The following OR56A3 variants were observed in gnomAD, a reference collection of about 807,000 sequenced individuals.
OR56A3 encodes olfactory receptor 56A3.
In OR56A3, 23 loss-of-function variants were observed where a neutral mutation model predicts 17.5. The observed-to-expected ratio is 1.32, with a 90% CI of 0.95 to 1.87. The LOEUF is 1.87. Among genes scored for constraint, OR56A3 ranks in the 40% most tolerant of loss-of-function variants. The probability of loss-of-function intolerance (pLI) is 0.00; values close to 1 mark genes in which losing one functional copy is unlikely to be tolerated. For missense variants in OR56A3, 366 were observed against 380.1 expected, an observed-to-expected ratio of 0.96 and a Z score of 0.31; for synonymous variants, 175 against 150.6, an observed-to-expected ratio of 1.16 and a Z score of -1.19.
At chr11:5,986,587 C>G in the OR56A3 span, 1 of 1,613,960 alleles carries the variant, frequency 6.2e-7, no homozygotes, top group Non-Finnish European at 8.5e-7. Context: ...CTGGATCAGG[C>G]AGACGATGTA....
At chr11:5,957,135 A>C in the OR56A3 span, among the ~76,000 whole-genome samples, 20 of 151,444 alleles carry the variant, frequency 1.3e-4, no homozygotes, top group Non-Finnish European at 2.5e-4. Context: ...GGGTAACAAA[A>C]GTGAAACTGC....
chr11:6,003,005 G>A, the OR56A3 span: 2 of 1,614,136 alleles, frequency 1.2e-6, no homozygotes, highest in African/African-American at 2.7e-5. Flanking sequence ...AAAGTTTCCT[G>A]ATCAATCTGG....
the OR56A3 span, among the ~76,000 whole-genome samples, chr11:5,996,943 G>A: frequency 5.3e-5 from 8 of 152,302 alleles, no homozygotes; most frequent in East Asian, 1.2e-3. Context: ...GAGCAAGGCA[G>A]GATGAGATGG....
At chr11:6,011,128 T>C in the OR56A3 span, among the ~76,000 whole-genome samples, 12 of 151,914 alleles carry the variant, frequency 7.9e-5, no homozygotes, top group South Asian at 2.3e-3. Flanking sequence ...TTATTACATC[T>C]CTCATCACTT....
At chr11:6,002,632 T>C in the OR56A3 span, 12 of 1,614,130 alleles carry the variant, frequency 7.4e-6, no homozygotes, top group Admixed American at 1.2e-4. Context: ...TCATAGGCCA[T>C]GACCATGAAC....
At chr11:6,002,446 T>C in the OR56A3 span, 4 of 1,614,274 alleles carry the variant, frequency 2.5e-6, no homozygotes, top group Non-Finnish European at 3.4e-6. Flanking sequence ...GACAGGTTAC[T>C]GCAGATGCAG....
At chr11:5,991,691 T>C in the OR56A3 span, among the ~76,000 whole-genome samples, 26 of 152,304 alleles carry the variant, frequency 1.7e-4, no homozygotes, top group Admixed American at 1.0e-3. Flanking sequence ...CCCCCAACTG[T>C]AAACCCAGAA....
At chr11:5,963,942 T>C in the OR56A3 span, among the ~76,000 whole-genome samples, 1 of 152,158 alleles carries the variant, frequency 6.6e-6, no homozygotes, top group African/African-American at 2.4e-5. Context: ...AACCTACTTT[T>C]CAATAACCTT....
chr11:5,953,972 A>T (rs144471384), downstream of OR56A3, among the ~76,000 whole-genome samples: 17 of 152,180 alleles, frequency 1.1e-4, no homozygotes, highest in East Asian at 3.3e-3. Context: ...AGGGGAAAAA[A>T]GGTGAATTAA....
At chr11:5,954,864 C>A (rs1847924824), downstream of OR56A3, among the ~76,000 whole-genome samples, 1 of 152,048 alleles carries the variant, frequency 6.6e-6, no homozygotes, top group African/African-American at 2.4e-5. Context: ...TCCCAAGTTT[C>A]AAGAAAGACA....
In OR56A3 at chr11:5,947,428, C is replaced by T. The variant is rs1847876711; in HGVS notation, c.82C>T (p.Gln28Ter). ...LNCFVRSPSW[Q>*]HWLSLPLSLL... ...TTGTTTTGTCAGATCCCCCAGCTGG[C>T]AGCACTGGCTGTCCCTGCCCCTCAG... Residue 28 changes from glutamine to a stop codon, truncating the protein, a stop_gained, in exon 3 of 3, where the codon CAG becomes TAG. Transcript: ENST00000641160. LOFTEE classifies it high-confidence loss of function. The T allele has an allele frequency of 6.2e-7, 1 of 1,614,212 alleles. No homozygotes were observed. Among genetic ancestry groups the T allele is most frequent in the Non-Finnish European group, 8.5e-7 (1 of 1,180,036 alleles).
the OR56A3 span, among the ~76,000 whole-genome samples, chr11:5,995,731 G>A: frequency 3.9e-5 from 6 of 152,016 alleles, no homozygotes; most frequent in African/African-American, 1.5e-4. Flanking sequence ...TATCATTTTT[G>A]TGGTGAGAAC....
At chr11:5,955,043 T>G (rs994759645), downstream of OR56A3, among the ~76,000 whole-genome samples, 1 of 152,106 alleles carries the variant, frequency 6.6e-6, no homozygotes, top group African/African-American at 2.4e-5. Flanking sequence ...GAACAATCAC[T>G]GGGGAAAGAA....
the OR56A3 span, among the ~76,000 whole-genome samples, chr11:6,013,375 G>T: frequency 6.6e-6 from 1 of 152,190 alleles, no homozygotes; most frequent in East Asian, 1.9e-4. Flanking sequence ...CGGCCCTGCA[G>T]GGGGAGGCAA....
downstream of OR56A3, among the ~76,000 whole-genome samples, chr11:5,954,659 T>G (rs2134368124): frequency 6.6e-6 from 1 of 152,330 alleles, no homozygotes. Context: ...GCATTAAAAT[T>G]AATTATTTCC....
At chr11:5,964,134 G>A in the OR56A3 span, among the ~76,000 whole-genome samples, 47 of 151,554 alleles carry the variant, frequency 3.1e-4, no homozygotes, top group East Asian at 6.8e-3. Flanking sequence ...TTCTTGAATC[G>A]TTTCTGTGTA....
downstream of OR56A3, among the ~76,000 whole-genome samples, chr11:5,955,542 A>G (rs1330486960): frequency 6.6e-6 from 1 of 152,160 alleles, no homozygotes; most frequent in Non-Finnish European, 1.5e-5. Flanking sequence ...AGTAAAGTAC[A>G]CTTGGAAGAG....
the OR56A3 span, chr11:5,995,033 C>T: frequency 0.015 from 9,935 of 640,996 alleles, 130 homozygotes; most frequent in South Asian, 0.025. Flanking sequence ...ATCCGGGAAC[C>T]TGAGGCCCCG....
the OR56A3 span, chr11:6,003,020 C>T: frequency 6.2e-7 from 1 of 1,613,990 alleles, no homozygotes; most frequent in Non-Finnish European, 8.5e-7. Context: ...ATCTGGAGAC[C>T]CAGTGTACCT....
Sources: gnomAD v4.1 joint callset for allele counts (sites outside exome capture counted in the v4.1 genomes callset) on GRCh38, gnomAD v4.1.1 for gene constraint, MANE v1.5 for transcripts, NCBI Gene and HGNC (gene_info 2026-07-23, HGNC 2026-07-21) for gene names.